CCNB3: variants seen among roughly 807,000 people sequenced by gnomAD.
CCNB3 encodes cyclin B3.
CCNB3 carries 12 observed loss-of-function variants against 68.0 expected under a neutral mutation model. The ratio of observed to expected loss-of-function variants is 0.18; its 90% CI spans 0.11 to 0.29. The LOEUF (loss-of-function observed/expected upper bound fraction) is 0.29, where lower values mean the gene tolerates loss of function less well. Among genes scored for constraint, CCNB3 ranks in the 10% least tolerant of loss-of-function variants. The probability of loss-of-function intolerance (pLI) is 1.00; values close to 1 mark genes in which losing one functional copy is unlikely to be tolerated. For synonymous variants in CCNB3, 354 were observed against 388.9 expected (o/e 0.91, Z 1.06); for missense variants, 904 against 993.1 (o/e 0.91, Z 1.21).
At chrX:50,335,031 G>T (rs1368476422) in intron 8 of CCNB3, among the ~76,000 whole-genome samples, 3 of 111,945 alleles carry the variant, frequency 2.7e-5, no homozygotes, top group Non-Finnish European at 3.8e-5. Context: ...AGTCCTCCAG[G>T]TGCCAAAGCA....
At chrX:50,289,732 A>T (rs782648103) in intron 4 of CCNB3, among the ~76,000 whole-genome samples, 2 of 111,763 alleles carry the variant, frequency 1.8e-5, no homozygotes, top group South Asian at 3.8e-4. Context: ...AGTCTGTATT[A>T]TCTAGGCTAT....
At chrX:50,325,248 C>A (rs1922234747) in intron 8 of CCNB3, among the ~76,000 whole-genome samples, 1 of 111,791 alleles carries the variant, frequency 8.9e-6, no homozygotes, top group Non-Finnish European at 1.9e-5. Flanking sequence ...CCTACCTTAA[C>A]TTCCTTGACT....
chrX:50,279,614 G>T (rs1434140388), intron 1 of CCNB3, among the ~76,000 whole-genome samples: 1 of 72,774 alleles, frequency 1.4e-5, no homozygotes, highest in African/African-American at 4.6e-5. Context: ...ATATGCATAT[G>T]TACATTCATC....
At chrX:50,344,221 A>T (rs1431765549) in intron 9 of CCNB3, among the ~76,000 whole-genome samples, 1 of 112,132 alleles carries the variant, frequency 8.9e-6, no homozygotes, top group African/African-American at 3.2e-5. Flanking sequence ...AGGCTGTACC[A>T]TCTAGGTTTT....
intron 1 of CCNB3, among the ~76,000 whole-genome samples, chrX:50,279,269 A>C (rs1936026888): frequency 2.8e-5 from 2 of 71,998 alleles, no homozygotes; most frequent in African/African-American, 1.2e-4. Flanking sequence ...ATATATAGAG[A>C]ATATATACAT....
intron 1 of CCNB3, among the ~76,000 whole-genome samples, chrX:50,281,233 C>T (rs772785293): frequency 1.1e-4 from 12 of 111,698 alleles, no homozygotes; most frequent in Admixed American, 3.8e-4. Context: ...CAGCTGTGCA[C>T]GCTGATTGGT....
intron 1 of CCNB3, among the ~76,000 whole-genome samples, chrX:50,228,704 T>C (rs1242056244): frequency 1.2e-5 from 1 of 81,146 alleles, no homozygotes; most frequent in Non-Finnish European, 2.2e-5. Flanking sequence ...AGAATATATA[T>C]AGAATATATA....
chrX:50,227,477 A>G (rs2146999802), intron 1 of CCNB3, among the ~76,000 whole-genome samples: 1 of 87,972 alleles, frequency 1.1e-5, no homozygotes, highest in Non-Finnish European at 2.1e-5. Context: ...ATCTAAATAT[A>G]TATAGACAGA....
chrX:50,228,459 T>G (rs1037448598), intron 1 of CCNB3, among the ~76,000 whole-genome samples: 2 of 91,880 alleles, frequency 2.2e-5, no homozygotes, highest in African/African-American at 3.8e-5. Context: ...AGAATATATA[T>G]AGAGGATATA....
chrX:50,292,591 A>G (rs1206074628), intron 4 of CCNB3, among the ~76,000 whole-genome samples: 5 of 110,917 alleles, frequency 4.5e-5, no homozygotes, highest in African/African-American at 1.6e-4. Context: ...ATTATTGTTT[A>G]TCTTTTTCTC....
intron 1 of CCNB3, among the ~76,000 whole-genome samples, chrX:50,212,691 A>C (rs1371779243): frequency 8.8e-4 from 97 of 110,524 alleles, no homozygotes; most frequent in African/African-American, 3.1e-3. Context: ...ACCCCTATAC[A>C]TCCCAGCTTT....
intron 1 of CCNB3, among the ~76,000 whole-genome samples, chrX:50,211,431 A>C (rs1935481886): frequency 9.0e-6 from 1 of 111,606 alleles, no homozygotes; most frequent in East Asian, 2.8e-4. Context: ...TGGGAGGCTG[A>C]GGCAGGAGGA....
chrX:50,341,366 A>AATAC (rs1236731223), intron 8 of CCNB3, among the ~76,000 whole-genome samples: 18 of 107,895 alleles, frequency 1.7e-4, no homozygotes, highest in Non-Finnish European at 2.9e-4. Context: ...TAAATAAATA[A>AATAC]ATAAATAAGT....
chrX:50,326,254 A>C (rs1277061415), intron 8 of CCNB3, among the ~76,000 whole-genome samples: 1 of 111,564 alleles, frequency 9.0e-6, no homozygotes, highest in Non-Finnish European at 1.9e-5. Flanking sequence ...GATTTTAGTT[A>C]AAATAGTCTA....
At chrX:50,219,031 T>A (rs1199184291) in intron 1 of CCNB3, among the ~76,000 whole-genome samples, 1 of 112,365 alleles carries the variant, frequency 8.9e-6, no homozygotes, top group African/African-American at 3.2e-5. Context: ...CCAGTGATGA[T>A]GAGCTTTTTT....
In CCNB3 at chrX:50,310,276, G is replaced by A. The variant is rs192785609; in HGVS notation, c.2107G>A (p.Glu703Lys). The A allele has an allele frequency of 1.8e-5, 22 of 1,209,849 alleles. No individual in the cohort carries two copies. Among genetic ancestry groups the A allele is most frequent in the Admixed American group, 8.7e-5 (4 of 45,803 alleles). The part of the protein sequence containing the change: ...ALVLQEKTDA[E>K]EDSLKNLLAL... ...GGTCTTGCAAGAGAAGACTGATGCC[G>A]AAGAGGATTCCTTGAAGAACTTGTT... Residue 703 changes from glutamate to lysine, a missense_variant, in exon 6 of 13, where the codon GAA becomes AAA. Glu to Lys is a moderately conservative substitution (Grantham distance 56). This residue lies in a region of CCNB3 where 619 missense variants were observed against 609.8 expected (regional missense o/e 1.02). Coordinates refer to ENST00000376042, the MANE Select transcript of CCNB3 (RefSeq NM_033031.3).
At chrX:50,298,882 T>C (rs1169018174) in intron 5 of CCNB3, among the ~76,000 whole-genome samples, 3 of 112,046 alleles carry the variant, frequency 2.7e-5, no homozygotes. Context: ...TGTCGAAAAA[T>C]TTATCCATTT....
intron 1 of CCNB3, among the ~76,000 whole-genome samples, chrX:50,226,202 AT>A (rs1935770980): frequency 3.0e-5 from 2 of 65,820 alleles, no homozygotes; most frequent in African/African-American, 1.5e-4. Flanking sequence ...TATATATAGA[AT>A]ATATATATTT....
chrX:50,338,219 C>T (rs910672802), intron 8 of CCNB3, among the ~76,000 whole-genome samples: 10 of 112,333 alleles, frequency 8.9e-5, no homozygotes, highest in Non-Finnish European at 1.7e-4. Flanking sequence ...CCTTGACCGT[C>T]CATTAATCAC....
Sources: gnomAD v4.1 joint callset for allele counts (sites outside exome capture counted in the v4.1 genomes callset) on GRCh38, gnomAD v4.1.1 for gene constraint, gnomAD v4.1.1 regional missense constraint, MANE v1.5 for transcripts, NCBI Gene and HGNC (gene_info 2026-07-23, HGNC 2026-07-21) for gene names.